The following SLA variants were observed in gnomAD, a reference collection of about 807,000 sequenced individuals.
The protein encoded by SLA is Src like adaptor.
Under a neutral mutation model 30.3 loss-of-function variants are expected in SLA, and 16 were observed. That is an observed-to-expected ratio of 0.53 (90% CI 0.36 to 0.80). The LOEUF (loss-of-function observed/expected upper bound fraction) is 0.80. Among genes scored for constraint, SLA ranks in the 30% least tolerant of loss-of-function variants. The probability of loss-of-function intolerance (pLI) is 0.01; values close to 1 mark genes in which losing one functional copy is unlikely to be tolerated. For synonymous variants in SLA, 143 were observed against 137.8 expected (o/e 1.04, Z -0.26); for missense variants, 310 against 345.2 (o/e 0.90, Z 0.81).
In SLA at chr8:133,045,185, C is replaced by T. The variant is rs569575341; in HGVS notation, c.353-70G>A. The T allele has an allele frequency of 5.9e-5, 92 of 1,567,228 alleles. 1 individual carries two copies. The South Asian group carries it at 9.4e-4, about 16-fold the overall frequency. On this transcript the variant is annotated intron_variant, in intron 6 of 8. Coordinates refer to ENST00000338087, the MANE Select transcript of SLA (RefSeq NM_001045556.3). The stretch of plus-strand genomic sequence containing the variant: ...CCCCAAGGCACCCAGCTAACCAGCC[C>T]ACCACCACTGAGGCAGGGAGACCTG...
At chr8:133,077,609 A>G (rs1205560565) in intron 1 of SLA, among the ~76,000 whole-genome samples, 2 of 152,234 alleles carry the variant, frequency 1.3e-5, no homozygotes, top group East Asian at 1.9e-4. Context: ...CAGAGACGGC[A>G]GGGCTGAAGC....
At chr8:133,049,314 C>T (rs527661760) in intron 5 of SLA, 32 of 373,806 alleles carry the variant, frequency 8.6e-5, no homozygotes, top group Non-Finnish European at 1.1e-4. Flanking sequence ...CTGTGTGTTT[C>T]TGGATAGGTA....
At chr8:133,080,549 TG>T (rs1845590691) in intron 1 of SLA, among the ~76,000 whole-genome samples, 2 of 152,186 alleles carry the variant, frequency 1.3e-5, no homozygotes, top group Admixed American at 1.3e-4. Flanking sequence ...ACTCAGGCCC[TG>T]CTGCTATCCT....
At chr8:133,096,280 C>T in intron 1 of SLA, 1 of 1,614,238 alleles carries the variant, frequency 6.2e-7, no homozygotes, top group Non-Finnish European at 8.5e-7. Context: ...AGCCTCCAGC[C>T]AGAGCACTGA....
chr8:133,096,438 G>A, intron 1 of SLA: 1 of 1,582,674 alleles, frequency 6.3e-7, no homozygotes. Flanking sequence ...GGACCTCAAT[G>A]TCTGACTTGA....
rs1587856549 is a variant in SLA, at chr8:133,044,250, G to A, written c.484+734C>T. Among the ~76,000 whole-genome samples the A allele has an allele frequency of 3.9e-5, 6 of 152,106 alleles. No homozygotes were observed. The South Asian group carries it at 1.3e-3, about 32-fold the overall frequency. ...GTTCCGATTCCTGAGCTGACATTTG[G>A]GCCTTTCACAGTATAACTCAACTTT... is the stretch of plus-strand genomic sequence containing the variant. On this transcript the variant is annotated intron_variant, in intron 7 of 8. Transcript: ENST00000338087.
At chr8:133,058,656 A>G (rs948056937) in intron 3 of SLA, among the ~76,000 whole-genome samples, 11 of 152,058 alleles carry the variant, frequency 7.2e-5, no homozygotes, top group Admixed American at 1.3e-4. Context: ...CAGTTTGGAG[A>G]GGGTGAGAAA....
chr8:133,082,636 T>G (rs906229631), intron 1 of SLA, among the ~76,000 whole-genome samples: 1 of 152,204 alleles, frequency 6.6e-6, no homozygotes, highest in Non-Finnish European at 1.5e-5. Context: ...GTCAGGCCTC[T>G]TAAACACTCT....
intron 1 of SLA, among the ~76,000 whole-genome samples, chr8:133,096,886 G>A (rs1006847194): frequency 9.8e-5 from 15 of 152,334 alleles, no homozygotes; most frequent in South Asian, 2.1e-4. Flanking sequence ...GAGGCACAGT[G>A]AAGTGGGAGT....
At position 133,095,058 on chromosome 8, in the gene SLA, C is replaced by T; in HGVS notation, c.-319+7495G>A. On this transcript the variant is annotated intron_variant, in intron 1 of 8. Coordinates refer to ENST00000338087, the MANE Select transcript of SLA (RefSeq NM_001045556.3). ...TTCTCTTCCAGGGAGGCTCCGCACTCTCCCCGGCCGCCGTCATCAGCCATG... is the reference window on the plus strand; with the variant it reads ...TTCTCTTCCAGGGAGGCTCCGCACTTTCCCCGGCCGCCGTCATCAGCCATG... 6.2e-7 allele frequency: 1 copy of T among 1,613,802 alleles called. No homozygotes were observed. Among genetic ancestry groups the T allele is most frequent in the Non-Finnish European group, 8.5e-7 (1 of 1,180,036 alleles).
intron 5 of SLA, 40 bp downstream of exon 5, chr8:133,049,862 G>A (rs771268381): frequency 1.8e-5 from 22 of 1,232,660 alleles, no homozygotes; most frequent in Non-Finnish European, 2.2e-5. Flanking sequence ...ACCAGCATAC[G>A]CATCATGCTT....
At chr8:133,099,032 T>C (rs1487999730) in intron 1 of SLA, among the ~76,000 whole-genome samples, 1 of 152,196 alleles carries the variant, frequency 6.6e-6, no homozygotes, top group Non-Finnish European at 1.5e-5. Context: ...AGCTTCCCTC[T>C]AAGGTTTTTA....
At chr8:133,062,031 C>T (rs931563859) in intron 2 of SLA, among the ~76,000 whole-genome samples, 3 of 152,194 alleles carry the variant, frequency 2.0e-5, no homozygotes, top group Non-Finnish European at 4.4e-5. Context: ...AGACAATGAC[C>T]AGGCTCGCAA....
At chr8:133,057,050 G>C (rs188111806) in intron 3 of SLA, among the ~76,000 whole-genome samples, 45 of 152,282 alleles carry the variant, frequency 3.0e-4, no homozygotes, top group African/African-American at 1.0e-3. Context: ...AGCTGGGTTT[G>C]AGAGGTCCCT....
chr8:133,064,346 GTGCTAC>G (rs1842785788), intron 2 of SLA, among the ~76,000 whole-genome samples: 1 of 152,228 alleles, frequency 6.6e-6, no homozygotes, highest in African/African-American at 2.4e-5. Context: ...TTGCCTTTGT[GTGCTAC>G]AGGATCAAGG....
intron 3 of SLA, among the ~76,000 whole-genome samples, chr8:133,053,795 A>G (rs1036842917): frequency 6.6e-6 from 1 of 152,340 alleles, no homozygotes; most frequent in East Asian, 1.9e-4. Flanking sequence ...GAGAGTTTCA[A>G]TTTCACAATA....
At chr8:133,081,865 G>T (rs1845801939) in intron 1 of SLA, among the ~76,000 whole-genome samples, 2 of 152,208 alleles carry the variant, frequency 1.3e-5, no homozygotes, top group African/African-American at 2.4e-5. Flanking sequence ...TCCTGTGTAA[G>T]CCTTCCTGCC....
chr8:133,093,967 C>T lies in SLA; in HGVS notation c.-319+8586G>A, dbSNP rs548071518. The stretch of plus-strand genomic sequence containing the variant: ...CCACAGTGGTTGCTATTATTTCCAT[C>T]AGTGGCAGTAGCAGGGGTAAGAGCA... On this transcript the variant is annotated intron_variant, in intron 1 of 8. Transcript: ENST00000338087. Among the ~76,000 whole-genome samples, 32 of 152,312 alleles carry T rather than the reference C, an allele frequency of 2.1e-4. No individual in the cohort carries two copies. In the East Asian group the frequency reaches 5.6e-3, roughly 27 times the overall value.
chr8:133,096,482 T>C (rs969893431), intron 1 of SLA: 19 of 1,311,006 alleles, frequency 1.4e-5, no homozygotes, highest in Non-Finnish European at 2.0e-5. Context: ...GAGTAACTAC[T>C]GTGTGCAATG....
Sources: allele counts gnomAD v4.1 joint callset (sites outside exome capture counted in the v4.1 genomes callset), GRCh38; gene constraint gnomAD v4.1.1; transcripts MANE v1.5; gene names NCBI Gene and HGNC (gene_info 2026-07-23, HGNC 2026-07-21).